PXDNL: variants seen among roughly 807,000 people sequenced by gnomAD.
PXDNL encodes probable oxidoreductase PXDNL.
A neutral mutation model predicts 150.8 loss-of-function variants in PXDNL; 145 were observed. The observed-to-expected ratio is 0.96, with a 90% CI of 0.84 to 1.10. The LOEUF is 1.10. Among genes scored for constraint, PXDNL ranks in the 50% least tolerant of loss-of-function variants. The probability of loss-of-function intolerance (pLI) is 0.00; values close to 1 mark genes in which losing one functional copy is unlikely to be tolerated. For missense variants in PXDNL, 2,087 were observed against 1,873.9 expected (o/e 1.11, Z -2.10); for synonymous variants, 757 against 725.7 (o/e 1.04, Z -0.69).
chr8:51,386,301 C>T (rs1341639257), intron 17 of PXDNL, among the ~76,000 whole-genome samples: 1 of 152,066 alleles, frequency 6.6e-6, no homozygotes, highest in Admixed American at 6.5e-5. Context: ...CCATATCGGC[C>T]AGGCTGGTCT....
At chr8:51,727,411 TAAAC>T (rs1816835574) in intron 1 of PXDNL, among the ~76,000 whole-genome samples, 1 of 152,210 alleles carries the variant, frequency 6.6e-6, no homozygotes, top group African/African-American at 2.4e-5. Flanking sequence ...CGAATGAAGT[TAAAC>T]AATAATGCAA....
At chr8:51,379,013 C>T (rs560063080) in intron 17 of PXDNL, among the ~76,000 whole-genome samples, 2 of 152,248 alleles carry the variant, frequency 1.3e-5, no homozygotes, top group East Asian at 3.9e-4. Flanking sequence ...CTCCTGGGTT[C>T]AAGGGCTCCT....
At chr8:51,594,986 G>T (rs1460064888) in intron 2 of PXDNL, among the ~76,000 whole-genome samples, 1 of 151,992 alleles carries the variant, frequency 6.6e-6, no homozygotes, top group African/African-American at 2.4e-5. Flanking sequence ...TGATGCCCAT[G>T]ATGCCAAAGG....
At chr8:51,400,227 C>G (rs781454957) in intron 17 of PXDNL, among the ~76,000 whole-genome samples, 4 of 152,156 alleles carry the variant, frequency 2.6e-5, no homozygotes, top group Non-Finnish European at 5.9e-5. Flanking sequence ...TTCACACACA[C>G]CTTAAAAGAT....
intron 1 of PXDNL, among the ~76,000 whole-genome samples, chr8:51,749,496 GA>G (rs1422923876): frequency 6.6e-6 from 1 of 151,056 alleles, no homozygotes; most frequent in Admixed American, 6.6e-5. Context: ...TCTAAACATA[GA>G]AAAGGTACAG....
intron 5 of PXDNL, among the ~76,000 whole-genome samples, chr8:51,489,737 T>C (rs1810847156): frequency 6.6e-6 from 1 of 152,202 alleles, no homozygotes; most frequent in Non-Finnish European, 1.5e-5. Flanking sequence ...AAGGGAAACT[T>C]CTTGAACTTA....
chr8:51,772,243 C>T (rs1397397390), intron 1 of PXDNL, among the ~76,000 whole-genome samples: 1 of 150,660 alleles, frequency 6.6e-6, no homozygotes, highest in African/African-American at 2.5e-5. Context: ...TATATACACA[C>T]ACACACACAC....
intron 1 of PXDNL, among the ~76,000 whole-genome samples, chr8:51,734,031 G>A (rs941000708): frequency 6.6e-6 from 1 of 151,898 alleles, no homozygotes; most frequent in African/African-American, 2.4e-5. Context: ...GACTTAGAGT[G>A]TATCTTTCAA....
At chr8:51,459,756 A>C (rs1330976949) in intron 8 of PXDNL, among the ~76,000 whole-genome samples, 1 of 152,226 alleles carries the variant, frequency 6.6e-6, no homozygotes, top group Non-Finnish European at 1.5e-5. Context: ...AGGTTTGCAG[A>C]GGTAGAATAT....
chr8:51,437,914 G>T (rs1809444567), intron 12 of PXDNL, among the ~76,000 whole-genome samples: 1 of 152,088 alleles, frequency 6.6e-6, no homozygotes, highest in Non-Finnish European at 1.5e-5. Context: ...AAACCCTAAA[G>T]GCTCCTCAAA....
At chr8:51,494,388 C>G (rs1810987261) in intron 5 of PXDNL, among the ~76,000 whole-genome samples, 1 of 151,152 alleles carries the variant, frequency 6.6e-6, no homozygotes, top group African/African-American at 2.4e-5. Flanking sequence ...AGAAAATAAC[C>G]AGCTAACATC....
chr8:51,642,924 A>G (rs2130781312), intron 2 of PXDNL, among the ~76,000 whole-genome samples: 1 of 152,348 alleles, frequency 6.6e-6, no homozygotes, highest in Non-Finnish European at 1.5e-5. Context: ...CCAAATCATG[A>G]GTGAAATCCC....
chr8:51,513,110 A>G (rs577520971), intron 4 of PXDNL, among the ~76,000 whole-genome samples: 1 of 152,364 alleles, frequency 6.6e-6, no homozygotes, highest in African/African-American at 2.4e-5. Context: ...TTGTTCAAAC[A>G]AAACAGGACT....
At chr8:51,584,990 G>C (rs188517359) in intron 3 of PXDNL, among the ~76,000 whole-genome samples, 111 of 152,250 alleles carry the variant, frequency 7.3e-4, no homozygotes, top group Admixed American at 2.9e-3. Context: ...GAGGGGAATA[G>C]AGCAATGTTA....
In PXDNL at chr8:51,563,515, C is replaced by A. The variant is rs115327048; in HGVS notation, c.309-6604G>T. On this transcript the variant is annotated intron_variant, in intron 3 of 22. Coordinates refer to ENST00000356297, the MANE Select transcript of PXDNL (RefSeq NM_144651.5). Reference sequence around the variant, plus strand: ...TCAAGATAGGAGTCTTGGGAGGATACAAACATTCAATCCATAACAGTATTT... The same window carrying A: ...TCAAGATAGGAGTCTTGGGAGGATAAAAACATTCAATCCATAACAGTATTT... 6.2e-3 allele frequency among the ~76,000 whole-genome samples: 937 copies of A among 152,026 alleles called. 3 individuals are homozygous for A. Among genetic ancestry groups the A allele is most frequent in the African/African-American group, 0.021 (891 of 41,502 alleles).
intron 2 of PXDNL, among the ~76,000 whole-genome samples, chr8:51,622,663 A>G (rs780066368): frequency 3.3e-5 from 5 of 152,232 alleles, no homozygotes; most frequent in Admixed American, 6.5e-5. Context: ...AATGCTCTGG[A>G]TAAGGACGTA....
At chr8:51,537,783 C>A (rs1812115402) in intron 4 of PXDNL, among the ~76,000 whole-genome samples, 1 of 152,074 alleles carries the variant, frequency 6.6e-6, no homozygotes, top group Non-Finnish European at 1.5e-5. Flanking sequence ...TAGAATTGCA[C>A]AGAAGAGGGA....
At chr8:51,343,719 A>G (rs1200900211) in intron 20 of PXDNL, among the ~76,000 whole-genome samples, 1 of 152,180 alleles carries the variant, frequency 6.6e-6, no homozygotes, top group African/African-American at 2.4e-5. Flanking sequence ...GAAGGGACTG[A>G]TCCCCATCAC....
intron 1 of PXDNL, among the ~76,000 whole-genome samples, chr8:51,657,592 A>G (rs555068437): frequency 6.6e-6 from 1 of 152,300 alleles, no homozygotes; most frequent in African/African-American, 2.4e-5. Context: ...ATATGCATGC[A>G]TGTCTCCTTG....
Sources: allele counts gnomAD v4.1 joint callset (sites outside exome capture counted in the v4.1 genomes callset), GRCh38; gene constraint gnomAD v4.1.1; transcripts MANE v1.5; gene names NCBI Gene and HGNC (gene_info 2026-07-23, HGNC 2026-07-21).